Variants in CHD5 observed in about 807,000 individuals in gnomAD.
The protein encoded by CHD5 is ATP-dependent chromatin remodeler CHD5.
CHD5 carries 69 observed loss-of-function variants against 230.3 expected under a neutral mutation model. The observed-to-expected ratio is 0.30, with a 90% CI of 0.25 to 0.37. CHD5 has a LOEUF of 0.37. CHD5 is among the 10% of genes least tolerant of loss of function. CHD5 has a pLI of 1.00. For missense variants in CHD5, 1,827 were observed against 2,622.8 expected, an observed-to-expected ratio of 0.70 and a Z score of 6.63; for synonymous variants, 1,064 against 1,065.9, an observed-to-expected ratio of 1.00 and a Z score of 0.03.
chr1:6,177,486 G>A (rs140136666), intron 1 of CHD5, among the ~76,000 whole-genome samples: 9 of 152,320 alleles, frequency 5.9e-5, no homozygotes, highest in African/African-American at 1.9e-4. Context: ...ACAGATCCAG[G>A]AGGAAACTGA....
chr1:6,163,101 C>T (rs1023378506), intron 2 of CHD5, among the ~76,000 whole-genome samples: 9 of 152,210 alleles, frequency 5.9e-5, no homozygotes, highest in Admixed American at 3.3e-4. Context: ...GCCCAGCGTC[C>T]GCTCAGGGTT....
In CHD5 at chr1:6,102,275, G is replaced by GAA. The variant is rs200914257; in HGVS notation, c.*3197_*3198dup. The stretch of plus-strand genomic sequence containing the variant: ...TTAAAAAAAAAATCTGAAAATTAAA[G>GAA]AAAAAAAAAACACAACGCCAGTGAG... On this transcript the variant is annotated 3_prime_UTR_variant, in exon 42 of 42. Transcript: ENST00000262450. 7 of 151,506 alleles carry GAA rather than the reference G, an allele frequency of 4.6e-5. No homozygotes were observed. Among genetic ancestry groups the GAA allele is most frequent in the Non-Finnish European group, 8.7e-5 (6 of 69,000 alleles). 9.4% of individuals were successfully genotyped at this position (151,506 alleles called of 1,614,324 possible). A position where few individuals can be genotyped will look rare whatever the true frequency, so the allele number is the denominator to read the frequency against.
At chr1:6,113,067 G>T in intron 33 of CHD5, 69 bp from the exon 34 acceptor site, 1 of 1,064,610 alleles carries the variant, frequency 9.4e-7, no homozygotes, top group Non-Finnish European at 1.4e-6. Context: ...TGGGCTCGTG[G>T]CTTTCCACCC....
chr1:6,107,027 G>A (rs1424808339), intron 38 of CHD5, among the ~76,000 whole-genome samples: 9 of 143,734 alleles, frequency 6.3e-5, no homozygotes, highest in African/African-American at 2.3e-4. Flanking sequence ...GAGGGATAAT[G>A]GAGGGAAGAT....
At chr1:6,173,783 C>T (rs1667376487) in intron 1 of CHD5, among the ~76,000 whole-genome samples, 1 of 152,326 alleles carries the variant, frequency 6.6e-6, no homozygotes, top group South Asian at 2.1e-4. Flanking sequence ...TTCTCAGGGC[C>T]ACCCTAGACG....
At position 6,155,702 on chromosome 1, in the gene CHD5, C is replaced by T; in HGVS notation, c.403G>A (p.Gly135Arg). ...AGGCCCCACTCGGCCATGAGCTGCC[C>T]CGAGGACTTGGGCTCCTACAGAGAC... ...DGCLKEPKSSGQLMAEWGLDD... is the reference protein window; with the variant it reads ...DGCLKEPKSSRQLMAEWGLDD... Residue 135 changes from glycine to arginine, a missense_variant, in exon 4 of 42, where the codon GGG becomes AGG. This residue lies in a region of CHD5 where 657 missense variants were observed against 816.4 expected (regional missense o/e 0.80). Coordinates refer to ENST00000262450, the MANE Select transcript of CHD5 (RefSeq NM_015557.3). The surrounding 1 kb of genome is among the most constrained non-coding windows in gnomAD (Gnocchi z 4.0). 1 of 1,614,010 alleles carries T rather than the reference C, an allele frequency of 6.2e-7. No homozygotes were observed. Among genetic ancestry groups the T allele is most frequent in the East Asian group, 2.2e-5 (1 of 44,880 alleles).
At chr1:6,165,392 A>G (rs1667236258) in intron 2 of CHD5, among the ~76,000 whole-genome samples, 1 of 152,188 alleles carries the variant, frequency 6.6e-6, no homozygotes, top group African/African-American at 2.4e-5. Context: ...AGTCAGGCCC[A>G]CCCAGCCCAG....
chr1:6,133,986 C>A (rs142384302), intron 20 of CHD5, 142 bp downstream of exon 20: 2 of 770,904 alleles, frequency 2.6e-6, no homozygotes, highest in Non-Finnish European at 2.1e-6. Context: ...GGGGGAGTGA[C>A]CCCTGACACA....
At chr1:6,143,709 C>T in intron 13 of CHD5, 114 bp downstream of exon 13, 1 of 923,010 alleles carries the variant, frequency 1.1e-6, no homozygotes, top group South Asian at 1.5e-5. Context: ...TCTGCATAAG[C>T]CATGAGGGCC....
chr1:6,160,241 C>T (rs1343106020), intron 2 of CHD5, among the ~76,000 whole-genome samples: 6 of 79,628 alleles, frequency 7.5e-5, no homozygotes, highest in African/African-American at 5.0e-4. Context: ...AGAAGGGCCC[C>T]AGCCAGAGAA....
chr1:6,124,538 G>A lies in CHD5; in HGVS notation c.4518C>T (p.Val1506=). 6.2e-7 allele frequency: 1 copy of A among 1,614,056 alleles called. No homozygotes were observed. Among genetic ancestry groups the A allele is most frequent in the Non-Finnish European group, 8.5e-7 (1 of 1,179,994 alleles). The change falls in exon 30 of 42, where the codon GTC becomes GTT. Residue 1506 remains valine (V), a synonymous_variant. Transcript: ENST00000262450. ...CCACCTTCTTCCTAACTAGTGACAT[G>A]ACCCCGATGCGGGTCAGCACGTGCT... ...SRQHVLTRIG[V]MSLVRKKVQE...
intron 6 of CHD5, 110 bp from the exon 7 acceptor site, chr1:6,151,265 G>T: frequency 1.6e-6 from 2 of 1,288,740 alleles, no homozygotes; most frequent in Non-Finnish European, 1.0e-6. Flanking sequence ...GAGACACAGT[G>T]CTCTCTGTGA....
At chr1:6,159,552 C>T (rs1305863597) in intron 2 of CHD5, 37 bp from the exon 3 acceptor site, 3 of 1,566,954 alleles carry the variant, frequency 1.9e-6, no homozygotes, top group Admixed American at 1.8e-5. Context: ...CAACAGAGGC[C>T]CCAGGAACAT....
chr1:6,146,138 C>A lies in CHD5; in HGVS notation c.1802+74G>T. 1.4e-6 allele frequency: 2 copies of A among 1,464,304 alleles called. No homozygotes were observed. Among genetic ancestry groups the A allele is most frequent in the Non-Finnish European group, 1.9e-6 (2 of 1,059,584 alleles). 90.7% of individuals were successfully genotyped at this position (1,464,304 alleles called of 1,614,324 possible). A position where few individuals can be genotyped will look rare whatever the true frequency, so the allele number is the denominator to read the frequency against. On this transcript the variant is annotated intron_variant, in intron 11 of 41. Coordinates refer to ENST00000262450, the MANE Select transcript of CHD5 (RefSeq NM_015557.3). This position sits in a 1 kb window ranked among gnomAD's most constrained non-coding sequence, Gnocchi z 5.1. ...AGGGCCCTGGCACCCTGCGCTGCAC[C>A]CATTTTACAGGGCAAAGAAGCTGAC...
Position 6,109,917 on chromosome 1 carries a change from T to C in CHD5, c.5456A>G (p.Asn1819Ser). ...AAYLNMTQDPNHPAMALNARL... is the reference protein window; with the variant it reads ...AAYLNMTQDPSHPAMALNARL... Reference sequence around the variant, plus strand: ...GGCGTTGAGGGCCATGGCGGGGTGGTTGGGGTCCTGCGTCATGTTCAGGTA... The same window carrying C: ...GGCGTTGAGGGCCATGGCGGGGTGGCTGGGGTCCTGCGTCATGTTCAGGTA... Residue 1819 changes from asparagine (N) to serine (S), a missense_variant, in exon 38 of 42, where the codon AAC (asparagine) becomes AGC (serine). Transcript: ENST00000262450. 2 of 1,609,298 alleles carry C rather than the reference T, an allele frequency of 1.2e-6. No individual in the cohort carries two copies. Among genetic ancestry groups the C allele is most frequent in the Non-Finnish European group, 1.7e-6 (2 of 1,178,010 alleles).
intron 35 of CHD5, 113 bp downstream of exon 35, chr1:6,112,027 G>T: frequency 7.0e-7 from 1 of 1,424,836 alleles, no homozygotes; most frequent in Non-Finnish European, 9.7e-7. Flanking sequence ...AAGGTTATAC[G>T]ATGGACTTCC....
chr1:6,111,236 AAAAG>A (rs201465157), intron 36 of CHD5, among the ~76,000 whole-genome samples: 20,973 of 147,110 alleles, frequency 0.14, 1,938 homozygotes, highest in East Asian at 0.41. Context: ...TCTCAAAAAA[AAAAG>A]AAAAAGAAAA....
chr1:6,113,053 A>T (rs1446357294), intron 33 of CHD5, 55 bp from the exon 34 acceptor site: 1 of 1,234,388 alleles, frequency 8.1e-7, no homozygotes, highest in Non-Finnish European at 1.2e-6. Flanking sequence ...AACACAGAGG[A>T]CTCTGGGCTC....
chr1:6,121,169 T>G lies in CHD5; in HGVS notation c.4848A>C (p.Arg1616Ser), dbSNP rs759911109. The G allele has an allele frequency of 6.2e-7, 1 of 1,614,006 alleles. No individual in the cohort carries two copies. Among genetic ancestry groups the G allele is most frequent in the Non-Finnish European group, 8.5e-7 (1 of 1,179,956 alleles). The change falls in exon 33 of 42, where the codon AGA becomes AGC. Residue 1616 changes from arginine (R) to serine (S), a missense_variant. By Grantham distance (110) the Arg-to-Ser change is moderately radical. Around this residue, in one of 14 missense-constraint regions of CHD5, gnomAD observed 272 missense variants for 263.2 expected, o/e 1.03. Transcript: ENST00000262450. This position sits in a 1 kb window ranked among gnomAD's most constrained non-coding sequence, Gnocchi z 4.5. ...TCTCCTCTGGCCGCTCCTCTCGGGC[T>G]CTCTCCTTGCTGGCTGGGCTCTCGT... ...DKHESPASKE[R>S]AREERPEETE...
Sources: allele counts gnomAD v4.1 joint callset (sites outside exome capture counted in the v4.1 genomes callset), GRCh38; gene constraint gnomAD v4.1.1; regional missense constraint gnomAD v4.1.1; non-coding constraint Gnocchi (gnomAD v3.1); transcripts MANE v1.5; gene names NCBI Gene and HGNC (gene_info 2026-07-23, HGNC 2026-07-21).